EIF4E2: variants seen among roughly 807,000 people sequenced by gnomAD.
EIF4E2 encodes the protein eukaryotic translation initiation factor 4E type 2.
A neutral mutation model predicts 34.2 loss-of-function variants in EIF4E2; 13 were observed. The ratio of observed to expected loss-of-function variants is 0.38; its 90% CI spans 0.25 to 0.60. EIF4E2 has a LOEUF of 0.60. EIF4E2 is among the 20% of genes least tolerant of loss of function. The pLI is 0.62. For missense variants in EIF4E2, 222 were observed against 315.1 expected, an observed-to-expected ratio of 0.70 and a Z score of 2.24; for synonymous variants, 100 against 106.6, an observed-to-expected ratio of 0.94 and a Z score of 0.38.
chr2:232,567,983 A>G (rs1692993901), intron 6 of EIF4E2: 4 of 969,970 alleles, frequency 4.1e-6, no homozygotes, highest in African/African-American at 1.8e-5. Flanking sequence ...GCCCCATACC[A>G]ATATGTGCCT....
At chr2:232,565,173 C>T (rs1385188484) in intron 4 of EIF4E2, among the ~76,000 whole-genome samples, 5 of 152,224 alleles carry the variant, frequency 3.3e-5, no homozygotes, top group African/African-American at 1.2e-4. Context: ...CCTCATTGCT[C>T]ACATGATCTT....
At chr2:232,560,568 G>C (rs1427286951) in intron 3 of EIF4E2, among the ~76,000 whole-genome samples, 1 of 152,092 alleles carries the variant, frequency 6.6e-6, no homozygotes, top group South Asian at 2.1e-4. Context: ...TTGATCTCAA[G>C]AGTTTGAGAC....
At chr2:232,561,668 G>A (rs1692728354) in intron 3 of EIF4E2, among the ~76,000 whole-genome samples, 1 of 152,166 alleles carries the variant, frequency 6.6e-6, no homozygotes, top group Non-Finnish European at 1.5e-5. Context: ...ACATTTAAAA[G>A]TTCTTGAAGT....
At chr2:232,577,638 C>T (rs1490913665) in intron 6 of EIF4E2, among the ~76,000 whole-genome samples, 1 of 152,210 alleles carries the variant, frequency 6.6e-6, no homozygotes, top group African/African-American at 2.4e-5. Context: ...CCCCAAGATA[C>T]CTGGGAATGT....
At chr2:232,567,244 G>T in intron 6 of EIF4E2, 30 bp downstream of exon 6, 1 of 1,613,374 alleles carries the variant, frequency 6.2e-7, no homozygotes, top group Non-Finnish European at 8.5e-7. Context: ...GGGAGGACGT[G>T]TCCCTAAGCT....
chr2:232,557,239 G>A (rs1202717079), intron 2 of EIF4E2, among the ~76,000 whole-genome samples: 1 of 152,170 alleles, frequency 6.6e-6, no homozygotes, highest in Non-Finnish European at 1.5e-5. Context: ...GTGAGACTCC[G>A]TTTCAAAAAA....
At chr2:232,565,616 A>G (rs1210771131) in intron 4 of EIF4E2, among the ~76,000 whole-genome samples, 1 of 152,064 alleles carries the variant, frequency 6.6e-6, no homozygotes, top group Non-Finnish European at 1.5e-5. Context: ...CCTGGGTGAC[A>G]GAGCGAGACT....
At chr2:232,567,283 A>G in intron 6 of EIF4E2, 69 bp downstream of exon 6, 1 of 1,599,766 alleles carries the variant, frequency 6.3e-7, no homozygotes, top group Non-Finnish European at 8.5e-7. Flanking sequence ...AGTTGGGCCC[A>G]GAGGAATATG....
intron 3 of EIF4E2, among the ~76,000 whole-genome samples, chr2:232,562,593 A>G (rs1692761631): frequency 6.6e-6 from 1 of 152,178 alleles, no homozygotes. Flanking sequence ...TCCATCTCAA[A>G]AAAACAAACA....
At chr2:232,563,475 T>A (rs927022902) in intron 3 of EIF4E2, among the ~76,000 whole-genome samples, 4 of 152,096 alleles carry the variant, frequency 2.6e-5, no homozygotes, top group Non-Finnish European at 4.4e-5. Flanking sequence ...ATATACTTGA[T>A]GGAAAAATAT....
intron 6 of EIF4E2, chr2:232,567,600 T>TG: frequency 8.6e-7 from 1 of 1,156,174 alleles, no homozygotes; most frequent in Non-Finnish European, 1.1e-6. Flanking sequence ...TGCATGTCTT[T>TG]TTAACTTGTT....
downstream of EIF4E2, among the ~76,000 whole-genome samples, chr2:232,571,254 C>T (rs976389054): frequency 6.6e-6 from 1 of 152,228 alleles, no homozygotes; most frequent in Non-Finnish European, 1.5e-5. Flanking sequence ...GCAGAGGGCT[C>T]CTGCTCTTGT....
intron 2 of EIF4E2, 45 bp from the exon 3 acceptor site, chr2:232,557,839 C>G (rs767599592): frequency 6.2e-7 from 1 of 1,600,704 alleles, no homozygotes; most frequent in Non-Finnish European, 8.5e-7. Context: ...AGTCTCAGAC[C>G]ACGTGACAAA....
At chr2:232,568,818 T>C in intron 6 of EIF4E2, 127 bp from the exon 7 acceptor site, 1 of 1,500,924 alleles carries the variant, frequency 6.7e-7, no homozygotes, top group Non-Finnish European at 8.9e-7. Context: ...GAGGTCTGCC[T>C]CTGGGACTTC....
At chr2:232,551,301 C>T in intron 1 of EIF4E2, 4 of 471,458 alleles carry the variant, frequency 8.5e-6, no homozygotes, top group South Asian at 6.2e-5. Flanking sequence ...TCTTTCTCCT[C>T]CCCTTCCCGT....
Position 232,556,503 on chromosome 2 carries a change from C to G in EIF4E2, c.108C>G (p.Asp36Glu). 1 of 1,613,086 alleles carries G rather than the reference C, an allele frequency of 6.2e-7. No individual in the cohort carries two copies. The highest frequency in any genetic ancestry group is 8.5e-7 in the Non-Finnish European group (1 of 1,179,572). The part of the protein sequence containing the change: ...KDGEKEKTER[D>E]KNQSSSKRKA... ...GTGAGAAGGAAAAAACGGAACGAGA[C>G]AAGAATCAGAGCAGTAGCAAGAGAA... The change falls in exon 2 of 7, where the codon GAC (aspartate) becomes GAG (glutamate). Residue 36 changes from aspartate to glutamate, a missense_variant. By Grantham distance (45) the Asp-to-Glu change is conservative (BLOSUM62 2). Around this residue, in one of 3 missense-constraint regions of EIF4E2, gnomAD observed 87 missense variants for 93.6 expected, o/e 0.93. Transcript: ENST00000258416.
intron 1 of EIF4E2, among the ~76,000 whole-genome samples, chr2:232,551,543 C>T (rs567457165): frequency 6.6e-6 from 1 of 152,116 alleles, no homozygotes; most frequent in Non-Finnish European, 1.5e-5. Context: ...GATTTCTAGT[C>T]CCAGATTCAC....
Position 232,569,021 on chromosome 2 carries a change from T to C in EIF4E2, c.*4T>C. The C allele has an allele frequency of 6.2e-7, 1 of 1,613,920 alleles. No individual in the cohort carries two copies. Among genetic ancestry groups the C allele is most frequent in the South Asian group, 1.1e-5 (1 of 90,988 alleles). On this transcript the variant is annotated 3_prime_UTR_variant, in exon 7 of 7. Coordinates refer to ENST00000258416, the MANE Select transcript of EIF4E2 (RefSeq NM_004846.4). ...GCCGCGGTTGAATGTGCCATGACCCTCTCCCTCTCTGGATGGCACCATCAT... is the reference window on the plus strand; with the variant it reads ...GCCGCGGTTGAATGTGCCATGACCCCCTCCCTCTCTGGATGGCACCATCAT...
At chr2:232,572,574 C>G (rs1006961946), downstream of EIF4E2, among the ~76,000 whole-genome samples, 2 of 152,074 alleles carry the variant, frequency 1.3e-5, no homozygotes, top group Non-Finnish European at 2.9e-5. Context: ...ACCATGTTTG[C>G]CAGGCTGGTC....
Sources: allele counts gnomAD v4.1 joint callset (sites outside exome capture counted in the v4.1 genomes callset), GRCh38; gene constraint gnomAD v4.1.1; regional missense constraint gnomAD v4.1.1; transcripts MANE v1.5; gene names NCBI Gene and HGNC (gene_info 2026-07-23, HGNC 2026-07-21).